The following SLCO1A2 variants were observed in gnomAD, a reference collection of about 807,000 sequenced individuals.
The protein encoded by SLCO1A2 is OATP-1.
Under a neutral mutation model 69.0 loss-of-function variants are expected in SLCO1A2, and 67 were observed. The ratio of observed to expected loss-of-function variants is 0.97; its 90% CI spans 0.80 to 1.19. SLCO1A2 has a LOEUF of 1.19. SLCO1A2 is among the 50% of genes most tolerant of loss of function. The pLI is 0.00. For synonymous variants in SLCO1A2, 260 were observed against 265.9 expected (o/e 0.98, Z 0.22); for missense variants, 787 against 793.7 (o/e 0.99, Z 0.10).
intron 14 of SLCO1A2, among the ~76,000 whole-genome samples, chr12:21,272,220 A>AAATAGATATAGATGTAT (rs1216182987): frequency 6.6e-6 from 1 of 151,858 alleles, no homozygotes; most frequent in African/African-American, 2.4e-5. Context: ...ATTCATGTAG[A>AAATAGATATAGATGTAT]AATAGATATA....
At chr12:21,354,768 T>C (rs11045994) in intron 2 of SLCO1A2, among the ~76,000 whole-genome samples, 34,542 of 152,076 alleles carry the variant, frequency 0.23, 3,992 homozygotes, top group East Asian at 0.39. Context: ...TTTCTTTCTT[T>C]GAATTTTTTC....
At chr12:21,360,312 T>G (rs1938732201) in intron 2 of SLCO1A2, among the ~76,000 whole-genome samples, 2 of 152,246 alleles carry the variant, frequency 1.3e-5, no homozygotes. Context: ...GTTTATTGAA[T>G]TTTGATAATC....
intron 2 of SLCO1A2, among the ~76,000 whole-genome samples, chr12:21,341,004 C>A (rs1410593458): frequency 6.6e-6 from 1 of 151,888 alleles, no homozygotes; most frequent in African/African-American, 2.4e-5. Flanking sequence ...GTTCTAGGGG[C>A]ATTGCAGATA....
intron 2 of SLCO1A2, among the ~76,000 whole-genome samples, chr12:21,344,139 G>A (rs537729066): frequency 1.2e-4 from 19 of 152,134 alleles, no homozygotes; most frequent in African/African-American, 4.6e-4. Flanking sequence ...ATGTAGCATT[G>A]ATGTTACAGG....
At chr12:21,385,761 G>A (rs1940845209) in intron 1 of SLCO1A2, among the ~76,000 whole-genome samples, 1 of 152,194 alleles carries the variant, frequency 6.6e-6, no homozygotes, top group Admixed American at 6.5e-5. Context: ...TGGAGGATGG[G>A]TAGAGGAGGC....
upstream of SLCO1A2, among the ~76,000 whole-genome samples, chr12:21,418,525 G>C (rs1054042123): frequency 5.9e-5 from 9 of 152,096 alleles, no homozygotes; most frequent in African/African-American, 4.8e-5. Flanking sequence ...CATGATGGAA[G>C]GCAAAAGGCA....
Position 21,347,418 on chromosome 12 carries a change from G to A in SLCO1A2, c.-62-12709C>T, listed in dbSNP as rs564354870. 3.3e-5 allele frequency among the ~76,000 whole-genome samples: 5 copies of A among 152,222 alleles called. No individual in the cohort carries two copies. The South Asian group carries it at 1.0e-3, about 32-fold the overall frequency. Reference sequence around the variant, plus strand: ...CCCAGCACTTTGGGACGCCAAAGGGGGTGGATCACCTGAGGTCAGGAGTTC... The same window carrying A: ...CCCAGCACTTTGGGACGCCAAAGGGAGTGGATCACCTGAGGTCAGGAGTTC... On this transcript the variant is annotated intron_variant, in intron 2 of 15. Coordinates refer to the SLCO1A2 transcript ENST00000307378.
intron 2 of SLCO1A2, among the ~76,000 whole-genome samples, chr12:21,367,511 AT>A (rs972465957): frequency 1.3e-3 from 198 of 152,216 alleles, no homozygotes; most frequent in African/African-American, 4.6e-3. Context: ...TAAGAAGGAA[AT>A]ATTATCATAT....
intron 2 of SLCO1A2, among the ~76,000 whole-genome samples, chr12:21,342,276 C>T (rs1007759702): frequency 2.0e-5 from 3 of 151,940 alleles, no homozygotes; most frequent in Non-Finnish European, 2.9e-5. Flanking sequence ...TATTTTTCCA[C>T]TGCTTCAAGA....
chr12:21,304,306 C>T (rs1287176531), intron 6 of SLCO1A2, 121 bp downstream of exon 6: 4 of 741,456 alleles, frequency 5.4e-6, no homozygotes, highest in Non-Finnish European at 8.7e-6. Context: ...GGAAGGCCAA[C>T]TGTGCCAAGA....
chr12:21,289,831 G>A (rs1343770463), intron 12 of SLCO1A2, among the ~76,000 whole-genome samples: 1 of 151,926 alleles, frequency 6.6e-6, no homozygotes, highest in East Asian at 1.9e-4. Flanking sequence ...CAGTCTTGTA[G>A]GACTGAACCG....
At chr12:21,326,574 G>A (rs2136913651) in intron 2 of SLCO1A2, among the ~76,000 whole-genome samples, 1 of 152,286 alleles carries the variant, frequency 6.6e-6, no homozygotes, top group Non-Finnish European at 1.5e-5. Flanking sequence ...CCAGACTGAG[G>A]TGTTCTCAGA....
chr12:21,266,290 A>T lies in SLCO1A2; in HGVS notation c.*3258T>A, dbSNP rs1342951566. 6.6e-6 allele frequency: 1 copy of T among 152,082 alleles called. No homozygotes were observed. Among genetic ancestry groups the T allele is most frequent in the Non-Finnish European group, 1.5e-5 (1 of 67,994 alleles). The allele number at this position is 152,082 out of a possible 1,614,324, so 9.4% of individuals were successfully genotyped here. A position where few individuals can be genotyped will look rare whatever the true frequency, so the allele number is the denominator to read the frequency against. ...AGACATAAGAGAATTTCCACGGAAA[A>T]TCCCACTTCAGACTCTACTCCTTGT... On this transcript the variant is annotated 3_prime_UTR_variant, in exon 15 of 15. Transcript: ENST00000683939.
At chr12:21,413,495 G>A (rs142862332) in intron 1 of SLCO1A2, among the ~76,000 whole-genome samples, 16 of 152,080 alleles carry the variant, frequency 1.1e-4, no homozygotes, top group African/African-American at 3.9e-4. Context: ...ACCTGCCTCG[G>A]CCTCCCAAAG....
chr12:21,382,734 G>A (rs1359656116), intron 1 of SLCO1A2, among the ~76,000 whole-genome samples: 1 of 148,576 alleles, frequency 6.7e-6, no homozygotes, highest in East Asian at 2.0e-4. Context: ...GGCAGAGGTT[G>A]CAGTGAGCCA....
upstream of SLCO1A2, chr12:21,419,275 G>C (rs1942041084): frequency 6.3e-6 from 1 of 158,170 alleles, no homozygotes; most frequent in Admixed American, 6.5e-5. Context: ...CGACGCAGAA[G>C]ACGGGTGATT....
intron 2 of SLCO1A2, among the ~76,000 whole-genome samples, chr12:21,360,760 C>G (rs1938787548): frequency 6.6e-6 from 1 of 152,220 alleles, no homozygotes; most frequent in African/African-American, 2.4e-5. Context: ...GGCTTGGAGG[C>G]TCCCACACCC....
intron 2 of SLCO1A2, among the ~76,000 whole-genome samples, chr12:21,362,408 A>C (rs1466389959): frequency 6.6e-6 from 1 of 152,200 alleles, no homozygotes; most frequent in East Asian, 1.9e-4. Flanking sequence ...AGCACTAAAC[A>C]TGGAAAGGAA....
upstream of SLCO1A2, among the ~76,000 whole-genome samples, chr12:21,336,827 A>G (rs1464106047): frequency 6.6e-6 from 1 of 152,042 alleles, no homozygotes; most frequent in African/African-American, 2.4e-5. Flanking sequence ...TGTTGTTTAC[A>G]CAGTGACTTC....
Sources: gnomAD v4.1 joint callset for allele counts (sites outside exome capture counted in the v4.1 genomes callset) on GRCh38, gnomAD v4.1.1 for gene constraint, MANE v1.5 for transcripts, NCBI Gene and HGNC (gene_info 2026-07-23, HGNC 2026-07-21) for gene names.